RNF13: variants seen among roughly 807,000 people sequenced by gnomAD.
RNF13 encodes the protein E3 ubiquitin-protein ligase RNF13.
RNF13 carries 19 observed loss-of-function variants against 37.7 expected under a neutral mutation model. The ratio of observed to expected loss-of-function variants is 0.50; its 90% CI spans 0.35 to 0.74. RNF13 has a LOEUF of 0.74. Among genes scored for constraint, RNF13 ranks in the 30% least tolerant of loss-of-function variants. The pLI, the probability that RNF13 is intolerant of heterozygous loss-of-function variation, is 0.01. For synonymous variants in RNF13, 144 were observed against 157.8 expected (o/e 0.91, Z 0.65); for missense variants, 375 against 453.0 (o/e 0.83, Z 1.56).
chr3:149,947,014 A>T (rs542164385), intron 8 of RNF13, among the ~76,000 whole-genome samples: 43 of 151,802 alleles, frequency 2.8e-4, no homozygotes, highest in African/African-American at 9.7e-4. Flanking sequence ...GTGATTTCTT[A>T]TTTGACCCAT....
intron 8 of RNF13, among the ~76,000 whole-genome samples, chr3:149,940,031 G>A (rs1432974706): frequency 2.0e-5 from 3 of 152,026 alleles, no homozygotes; most frequent in African/African-American, 7.2e-5. Flanking sequence ...GAATGTAGTT[G>A]GGTTAATATC....
chr3:149,887,168 G>T (rs1393674591), intron 4 of RNF13, among the ~76,000 whole-genome samples: 2 of 152,192 alleles, frequency 1.3e-5, no homozygotes, highest in Non-Finnish European at 2.9e-5. Context: ...TGCACTAGGA[G>T]TAGCGAGAGC....
intron 1 of RNF13, among the ~76,000 whole-genome samples, chr3:149,834,995 C>G (rs1559895021): frequency 6.6e-6 from 1 of 152,092 alleles, no homozygotes; most frequent in African/African-American, 2.4e-5. Context: ...TTGACCTTTA[C>G]CTTATACCAT....
rs115586675 is a variant in RNF13, at chr3:149,831,228, C to T, written c.-16-14783C>T. On this transcript the variant is annotated intron_variant, in intron 1 of 9. Transcript: ENST00000392894. ...GCTGTGAGAAGCAGGCCACTGTTCT[C>T]CAGACTCCAGAATGGTAGATCCACC... Among the ~76,000 whole-genome samples, 919 of 152,296 alleles carry T rather than the reference C, an allele frequency of 6.0e-3. 6 individuals carry two copies. The highest frequency in any genetic ancestry group is 0.021 in the African/African-American group (872 of 41,544).
At chr3:149,917,817 A>G (rs1717701132) in intron 7 of RNF13, among the ~76,000 whole-genome samples, 1 of 152,178 alleles carries the variant, frequency 6.6e-6, no homozygotes, top group Admixed American at 6.5e-5. Context: ...TTCTATGTCC[A>G]TTAGTTCGAA....
chr3:149,868,322 T>A (rs1039921471), intron 3 of RNF13, among the ~76,000 whole-genome samples: 1 of 151,832 alleles, frequency 6.6e-6, no homozygotes, highest in African/African-American at 2.4e-5. Context: ...TATTTTTTTT[T>A]AATTTTAGCA....
intron 8 of RNF13, among the ~76,000 whole-genome samples, chr3:149,925,786 A>G (rs2108546309): frequency 6.6e-6 from 1 of 152,292 alleles, no homozygotes; most frequent in Non-Finnish European, 1.5e-5. Context: ...GGGTAATGCA[A>G]AATCATTTCC....
intron 1 of RNF13, among the ~76,000 whole-genome samples, chr3:149,826,425 T>C (rs1720511637): frequency 6.6e-6 from 1 of 152,226 alleles, no homozygotes; most frequent in Non-Finnish European, 1.5e-5. Flanking sequence ...CTTTCTCTTT[T>C]TTGATCATAT....
At chr3:149,898,914 A>T (rs1257652188) in intron 5 of RNF13, among the ~76,000 whole-genome samples, 1 of 152,184 alleles carries the variant, frequency 6.6e-6, no homozygotes, top group Non-Finnish European at 1.5e-5. Context: ...TTGAGCACCG[A>T]TCTAAAGTTA....
chr3:149,896,505 G>C (rs982723296), intron 5 of RNF13, among the ~76,000 whole-genome samples: 1 of 150,458 alleles, frequency 6.6e-6, no homozygotes, highest in Admixed American at 6.6e-5. Context: ...TTGAGATGGA[G>C]TTTCACTCTT....
chr3:149,902,674 A>G (rs1330165674), intron 6 of RNF13, among the ~76,000 whole-genome samples: 2 of 152,136 alleles, frequency 1.3e-5, no homozygotes, highest in African/African-American at 4.8e-5. Flanking sequence ...CATTACAAAG[A>G]TAACATACAG....
intron 1 of RNF13, among the ~76,000 whole-genome samples, chr3:149,841,654 C>G (rs1722191068): frequency 6.6e-6 from 1 of 152,058 alleles, no homozygotes; most frequent in Non-Finnish European, 1.5e-5. Flanking sequence ...GAGTCCTGCT[C>G]TGTTGCTCAG....
At chr3:149,930,423 T>G (rs1719054980) in intron 8 of RNF13, among the ~76,000 whole-genome samples, 1 of 152,232 alleles carries the variant, frequency 6.6e-6, no homozygotes, top group Non-Finnish European at 1.5e-5. Flanking sequence ...GGCATCCCAC[T>G]TGGTCATGGT....
At chr3:149,910,130 G>A (rs1010463424) in intron 6 of RNF13, among the ~76,000 whole-genome samples, 9 of 152,082 alleles carry the variant, frequency 5.9e-5, no homozygotes, top group Non-Finnish European at 8.8e-5. Context: ...TCATGGAAAG[G>A]CTCTTATACT....
rs554643170 is a variant in RNF13 at position 149,858,556 on chromosome 3, A to T, written c.195+5960A>T. Among the ~76,000 whole-genome samples, 4 of 152,322 alleles carry T rather than the reference A, an allele frequency of 2.6e-5. No homozygotes were observed. The South Asian group carries it at 8.3e-4, about 32-fold the overall frequency. On this transcript the variant is annotated intron_variant, in intron 3 of 9. Transcript: ENST00000392894. ...ACCTGAGTATAATTATCAATGGCAA[A>T]TCTCATTTTCAGCAACACAGCTTTT... is the stretch of plus-strand genomic sequence containing the variant.
At chr3:149,827,022 T>G (rs1720571031) in intron 1 of RNF13, among the ~76,000 whole-genome samples, 1 of 152,134 alleles carries the variant, frequency 6.6e-6, no homozygotes, top group Non-Finnish European at 1.5e-5. Context: ...CTTCCCAGAG[T>G]GCTGGGATTA....
chr3:149,907,245 C>A (rs574527153), intron 6 of RNF13, among the ~76,000 whole-genome samples: 2 of 152,186 alleles, frequency 1.3e-5, no homozygotes, highest in Admixed American at 1.3e-4. Flanking sequence ...TAATTGCTTT[C>A]CCTTATCTAA....
At chr3:149,893,156 C>G (rs1299105916) in intron 4 of RNF13, among the ~76,000 whole-genome samples, 1 of 152,162 alleles carries the variant, frequency 6.6e-6, no homozygotes, top group Non-Finnish European at 1.5e-5. Flanking sequence ...TTATCTTACT[C>G]ATTATGTAAG....
chr3:149,917,566 AC>A (rs1717669980), intron 7 of RNF13: 1 of 152,026 alleles, frequency 6.6e-6, no homozygotes, highest in African/African-American at 2.4e-5. Flanking sequence ...TGATTATAAC[AC>A]CCCCTCAGAA....
Sources: allele counts gnomAD v4.1 joint callset (sites outside exome capture counted in the v4.1 genomes callset), GRCh38; gene constraint gnomAD v4.1.1; transcripts MANE v1.5; gene names NCBI Gene and HGNC (gene_info 2026-07-23, HGNC 2026-07-21).